The following AK5 variants were observed in gnomAD, a reference collection of about 807,000 sequenced individuals.
AK5 encodes adenylate kinase isoenzyme 5.
In AK5, 27 loss-of-function variants were observed where a neutral mutation model predicts 69.5. The observed-to-expected ratio is 0.39, with a 90% CI of 0.29 to 0.54. AK5 has a LOEUF of 0.54. AK5 is among the 20% of genes least tolerant of loss of function. AK5 has a pLI of 0.71. For synonymous variants in AK5, 260 were observed against 244.4 expected (o/e 1.06, Z -0.60); for missense variants, 531 against 700.4 (o/e 0.76, Z 2.73).
intron 8 of AK5, among the ~76,000 whole-genome samples, chr1:77,424,595 C>A (rs1413975195): frequency 2.0e-5 from 3 of 152,102 alleles, no homozygotes; most frequent in Non-Finnish European, 4.4e-5. Flanking sequence ...AAAAGAAATT[C>A]TAGAGATCAA....
At chr1:77,367,893 G>T (rs374979675) in intron 6 of AK5, among the ~76,000 whole-genome samples, 729 of 7,432 alleles carry the variant, frequency 0.098, 199 homozygotes, top group Non-Finnish European at 0.13. Flanking sequence ...AAATATATGT[G>T]ATATATATTA....
intron 10 of AK5, among the ~76,000 whole-genome samples, chr1:77,501,849 C>A (rs1412050048): frequency 3.9e-5 from 6 of 152,224 alleles, no homozygotes; most frequent in African/African-American, 1.4e-4. Context: ...AGCCCCAGCA[C>A]TGCACAACAT....
chr1:77,462,194 T>C (rs1444759340), intron 8 of AK5, among the ~76,000 whole-genome samples: 1 of 152,226 alleles, frequency 6.6e-6, no homozygotes, highest in Admixed American at 6.5e-5. Flanking sequence ...ACTTTTAGCA[T>C]TACAACTTCC....
intron 8 of AK5, among the ~76,000 whole-genome samples, chr1:77,445,203 C>T (rs1469342940): frequency 2.0e-5 from 3 of 152,138 alleles, no homozygotes; most frequent in Non-Finnish European, 4.4e-5. Context: ...TTAGGAACCT[C>T]CATGTTGTTT....
intron 8 of AK5, among the ~76,000 whole-genome samples, chr1:77,421,692 C>T (rs1446976576): frequency 6.6e-6 from 1 of 152,192 alleles, no homozygotes; most frequent in Non-Finnish European, 1.5e-5. Context: ...GTCTCAGCCA[C>T]AAAGCTTCTG....
At chr1:77,297,246 A>AT (rs1659062349) in intron 3 of AK5, among the ~76,000 whole-genome samples, 1 of 152,176 alleles carries the variant, frequency 6.6e-6, no homozygotes, top group South Asian at 2.1e-4. Context: ...AAAATGTTAG[A>AT]TTTTACATAG....
chr1:77,383,060 A>C (rs1570476020), intron 6 of AK5, among the ~76,000 whole-genome samples: 1 of 152,202 alleles, frequency 6.6e-6, no homozygotes, highest in East Asian at 1.9e-4. Context: ...ATATTAGAAA[A>C]ACCATTATTA....
Position 77,421,833 on chromosome 1 carries a change from A to G in AK5, c.1059+4118A>G, listed in dbSNP as rs986188451. Reference sequence around the variant, plus strand: ...TATTTAACTGTGAACACTCCCCAGCATACTGACCATGGCCCCTTCTCTCCT... The same window carrying G: ...TATTTAACTGTGAACACTCCCCAGCGTACTGACCATGGCCCCTTCTCTCCT... On this transcript the variant is annotated intron_variant, in intron 8 of 13. Coordinates refer to ENST00000354567, the MANE Select transcript of AK5 (RefSeq NM_174858.3). Among the ~76,000 whole-genome samples, 24 of 152,134 alleles carry G rather than the reference A, an allele frequency of 1.6e-4. 1 individual carries two copies. The highest frequency in any genetic ancestry group is 1.3e-4 in the Non-Finnish European group (9 of 68,026).
At chr1:77,374,333 A>T (rs1647184191) in intron 6 of AK5, among the ~76,000 whole-genome samples, 1 of 151,830 alleles carries the variant, frequency 6.6e-6, no homozygotes, top group Non-Finnish European at 1.5e-5. Context: ...AGTAGTTATC[A>T]TGAAATCCTC....
intron 12 of AK5, among the ~76,000 whole-genome samples, chr1:77,523,274 G>C (rs61777072): frequency 0.074 from 11,192 of 152,180 alleles, 560 homozygotes; most frequent in Middle Eastern, 0.16. Context: ...ACCCATTCTG[G>C]CTGTCCCTCG....
chr1:77,442,076 A>C (rs1022783122), intron 8 of AK5, among the ~76,000 whole-genome samples: 1 of 152,124 alleles, frequency 6.6e-6, no homozygotes, highest in African/African-American at 2.4e-5. Context: ...TGCAATTTGG[A>C]AGCCTGAACC....
chr1:77,302,759 G>T (rs1045716169), intron 5 of AK5, among the ~76,000 whole-genome samples: 3 of 152,100 alleles, frequency 2.0e-5, no homozygotes, highest in Admixed American at 1.3e-4. Flanking sequence ...ATTCTTTCTT[G>T]AGTTAATCTA....
Position 77,492,560 on chromosome 1 carries a change from G to A in AK5, c.1147+6208G>A, listed in dbSNP as rs191190961. 9.0e-4 allele frequency among the ~76,000 whole-genome samples: 137 copies of A among 152,312 alleles called. 1 individual carries two copies. The highest frequency in any genetic ancestry group is 2.8e-3 in the African/African-American group (117 of 41,560). ...AGGACAGAGAGAAACCCCAGATTTA[G>A]CACTTAGGGATCTCAAAGGGAAAAA... On this transcript the variant is annotated intron_variant, in intron 10 of 13. Coordinates refer to ENST00000354567, the MANE Select transcript of AK5 (RefSeq NM_174858.3).
At chr1:77,340,669 G>A in intron 6 of AK5, 101 bp downstream of exon 6, 2 of 1,073,570 alleles carry the variant, frequency 1.9e-6, no homozygotes, top group South Asian at 3.7e-5. Flanking sequence ...CTTAAAAAGT[G>A]GCTTTTGGGG....
intron 6 of AK5, among the ~76,000 whole-genome samples, chr1:77,393,683 T>G (rs1648636768): frequency 2.0e-5 from 3 of 152,160 alleles, no homozygotes; most frequent in Non-Finnish European, 4.4e-5. Flanking sequence ...ATAATGGATT[T>G]TCTACCTTTC....
At chr1:77,507,664 T>A (rs1370713362) in intron 10 of AK5, among the ~76,000 whole-genome samples, 1 of 152,234 alleles carries the variant, frequency 6.6e-6, no homozygotes, top group East Asian at 1.9e-4. Context: ...AGGATTTTTA[T>A]TAACCATCAT....
chr1:77,486,694 CAA>C (rs879594150), intron 10 of AK5, among the ~76,000 whole-genome samples: 32 of 88,614 alleles, frequency 3.6e-4, no homozygotes, highest in Non-Finnish European at 3.4e-4. Flanking sequence ...AAGACTCTGT[CAA>C]AAAAAAAAAA....
At chr1:77,347,017 C>G (rs1469256328) in intron 6 of AK5, among the ~76,000 whole-genome samples, 1 of 152,106 alleles carries the variant, frequency 6.6e-6, no homozygotes, top group African/African-American at 2.4e-5. Context: ...TCACTTATAT[C>G]CTGTTTGAGC....
intron 8 of AK5, among the ~76,000 whole-genome samples, chr1:77,472,439 A>G (rs1018457696): frequency 4.6e-5 from 7 of 152,162 alleles, no homozygotes; most frequent in African/African-American, 1.4e-4. Flanking sequence ...CTTTCTCCCA[A>G]AGTCCCCCAG....
Sources: allele counts gnomAD v4.1 joint callset (sites outside exome capture counted in the v4.1 genomes callset), GRCh38; gene constraint gnomAD v4.1.1; transcripts MANE v1.5; gene names NCBI Gene and HGNC (gene_info 2026-07-23, HGNC 2026-07-21).